The following ZNF544 variants were observed in gnomAD, a reference collection of about 807,000 sequenced individuals.
The protein encoded by ZNF544 is zinc finger protein 544.
ZNF544 carries 10 observed loss-of-function variants against 13.5 expected under a neutral mutation model. The observed-to-expected ratio is 0.74, with a 90% CI of 0.46 to 1.25. The LOEUF is 1.25. Ranked by LOEUF, ZNF544 falls within the 50% of genes most tolerant of loss-of-function variation. The pLI is 0.00. For synonymous variants in ZNF544, 323 were observed against 300.5 expected, an observed-to-expected ratio of 1.07 and a Z score of -0.77; for missense variants, 896 against 845.6, an observed-to-expected ratio of 1.06 and a Z score of -0.74.
At chr19:58,274,577 A>G (rs140994446) in intron 5 of ZNF544, among the ~76,000 whole-genome samples, 113 of 152,294 alleles carry the variant, frequency 7.4e-4, no homozygotes, top group African/African-American at 2.7e-3. Context: ...AACTGTAACA[A>G]TAAATTTATG....
intron 3 of ZNF544, 123 bp from the exon 4 acceptor site, chr19:58,243,842 G>A (rs1280419251): frequency 8.7e-6 from 6 of 686,066 alleles, no homozygotes; most frequent in Non-Finnish European, 1.3e-5. Flanking sequence ...CCCCAGGCGT[G>A]AGGCCCATTC....
rs757183517 is a variant in ZNF544, at chr19:58,261,848, G to A, written c.1242G>A (p.Gly414=). ...AGCCCTATGAGTGTGACCTGTGTGG[G>A]AAATCCTTCACCCAGAGATCCAAAC... is the stretch of plus-strand genomic sequence containing the variant. The part of the protein sequence containing the change: ...GEKPYECDLC[G]KSFTQRSKLI... The change falls in exon 7 of 7, where the codon GGG becomes GGA. Residue 414 remains glycine, a synonymous_variant. Transcript: ENST00000687789. The A allele has an allele frequency of 6.8e-6, 11 of 1,613,600 alleles. No individual in the cohort carries two copies. The highest frequency in any genetic ancestry group is 6.6e-5 in the South Asian group (6 of 91,046).
Position 58,228,930 on chromosome 19 carries a change from TTGGCCGGTGCGTGCAGGTGAGTC to T in ZNF544, c.-243_-232+11del, listed in dbSNP as rs1462417945. On this transcript the variant is annotated splice_donor_variant and splice_donor_5th_base_variant and 5_prime_UTR_variant and intron_variant, in exon 1 of 7. Transcript: ENST00000687789. LOFTEE classifies it low-confidence loss of function (5UTR_SPLICE). ...CCGCCGGCCACCGGAAGCACCGCCA[TTGGCCGGTGCGTGCAGGTGAGTC>T]TGGCGGCCTCAAGGTTGGCTCGGAG... 2.0e-5 allele frequency: 3 copies of T among 152,302 alleles called. No individual in the cohort carries two copies. Among genetic ancestry groups the T allele is most frequent in the African/African-American group, 7.2e-5 (3 of 41,474 alleles). The allele number at this position is 152,302 out of a possible 1,614,324, so 9.4% of individuals were successfully genotyped here. A position where few individuals can be genotyped will look rare whatever the true frequency, so the allele number is the denominator to read the frequency against.
intron 3 of ZNF544, among the ~76,000 whole-genome samples, chr19:58,235,657 G>A (rs1369481831): frequency 2.6e-5 from 4 of 152,102 alleles, no homozygotes; most frequent in Non-Finnish European, 5.9e-5. Flanking sequence ...CCTCAATTTA[G>A]CCATTCTATA....
chr19:58,275,617 T>A (rs2051152421), intron 5 of ZNF544, among the ~76,000 whole-genome samples: 1 of 151,736 alleles, frequency 6.6e-6, no homozygotes, highest in Admixed American at 6.6e-5. Context: ...AAGACCATCC[T>A]AGGCAACATC....
At chr19:58,249,963 G>A (rs2046027958) in intron 6 of ZNF544, among the ~76,000 whole-genome samples, 1 of 152,156 alleles carries the variant, frequency 6.6e-6, no homozygotes, top group African/African-American at 2.4e-5. Context: ...CTACCAAAAG[G>A]GATGTGAGTT....
At chr19:58,252,636 G>C (rs1185831072) in intron 6 of ZNF544, among the ~76,000 whole-genome samples, 2 of 151,664 alleles carry the variant, frequency 1.3e-5, no homozygotes, top group Admixed American at 6.6e-5. Flanking sequence ...ATCTTTTTTG[G>C]CACCTTTTGT....
rs956159977 is a variant in ZNF544, at chr19:58,261,689, A to G, written c.1083A>G (p.Lys361=). Residue 361 remains lysine (K), a synonymous_variant, in exon 7 of 7, where the codon AAA becomes AAG. Transcript: ENST00000687789. The part of the protein sequence containing the change: ...EKPSVCNQCG[K]SFSCCKLIHQ... ...CATCTGTGTGTAATCAGTGTGGAAA[A>G]TCTTTCAGCTGTTGTAAGCTCATAC... is the stretch of plus-strand genomic sequence containing the variant. 3 of 1,614,216 alleles carry G rather than the reference A, an allele frequency of 1.9e-6. No homozygotes were observed. Among genetic ancestry groups the G allele is most frequent in the South Asian group, 2.2e-5 (2 of 91,088 alleles).
intron 6 of ZNF544, 132 bp from the exon 7 acceptor site, chr19:58,260,719 C>T: frequency 1.2e-6 from 1 of 812,946 alleles, no homozygotes; most frequent in Non-Finnish European, 1.9e-6. Context: ...TCACAGCCTG[C>T]ATACGGATTA....
At chr19:58,237,554 A>G (rs2146662506) in intron 3 of ZNF544, among the ~76,000 whole-genome samples, 1 of 152,350 alleles carries the variant, frequency 6.6e-6, no homozygotes, top group East Asian at 1.9e-4. Flanking sequence ...TGACGGAGCC[A>G]GACCCTTGCC....
rs149316745 is a variant in ZNF544, at chr19:58,275,225, T to C, written c.245-1098T>C. Among the ~76,000 whole-genome samples, 917 of 152,270 alleles carry C rather than the reference T, an allele frequency of 6.0e-3. 9 individuals are homozygous for C. Among genetic ancestry groups the C allele is most frequent in the African/African-American group, 0.021 (869 of 41,558 alleles). On this transcript the variant is annotated intron_variant, in intron 5 of 6. Coordinates refer to the ZNF544 transcript ENST00000595981. The stretch of plus-strand genomic sequence containing the variant: ...ACTTGTCTCCCGTGTTTCCTTTCAC[T>C]TTGCAATGAAAGCTTCTTGCCTTTC...
intron 3 of ZNF544, among the ~76,000 whole-genome samples, chr19:58,232,431 A>G (rs1357986855): frequency 7.0e-6 from 1 of 143,224 alleles, no homozygotes; most frequent in Non-Finnish European, 1.5e-5. Context: ...AGCTCACTGC[A>G]GCCTTGACCT....
intron 5 of ZNF544, among the ~76,000 whole-genome samples, chr19:58,272,959 A>G (rs559442788): frequency 1.3e-5 from 2 of 151,764 alleles, no homozygotes; most frequent in South Asian, 2.1e-4. Context: ...CGAGTTGGGC[A>G]GATTGCAAGT....
intron 5 of ZNF544, among the ~76,000 whole-genome samples, chr19:58,272,765 G>A (rs1229027522): frequency 6.6e-6 from 1 of 151,490 alleles, no homozygotes; most frequent in African/African-American, 2.4e-5. Flanking sequence ...TACTCAGGAG[G>A]CTGAGGCAGG....
chr19:58,273,625 G>T (rs2050934657), intron 5 of ZNF544, among the ~76,000 whole-genome samples: 1 of 150,260 alleles, frequency 6.7e-6, no homozygotes, highest in Non-Finnish European at 1.5e-5. Context: ...GGGAGGTGGA[G>T]ATTGCAGTGG....
intron 3 of ZNF544, chr19:58,242,335 C>T (rs932658307): frequency 9.3e-5 from 89 of 953,164 alleles, no homozygotes; most frequent in Non-Finnish European, 1.1e-4. Flanking sequence ...AAATACAGCA[C>T]AGAGAAAGCA....
At chr19:58,251,661 T>C (rs1249618166) in intron 6 of ZNF544, among the ~76,000 whole-genome samples, 1 of 152,248 alleles carries the variant, frequency 6.6e-6, no homozygotes, top group Non-Finnish European at 1.5e-5. Context: ...TGGATGTTTC[T>C]GGATCAGAGA....
At chr19:58,248,771 A>T (rs1489784828) in intron 6 of ZNF544, among the ~76,000 whole-genome samples, 2 of 152,236 alleles carry the variant, frequency 1.3e-5, no homozygotes, top group African/African-American at 4.8e-5. Context: ...TGAAGCAAAA[A>T]AAGCATAGAT....
At chr19:58,270,065 T>C (rs952206787) in intron 5 of ZNF544, among the ~76,000 whole-genome samples, 1 of 152,210 alleles carries the variant, frequency 6.6e-6, no homozygotes, top group Non-Finnish European at 1.5e-5. Flanking sequence ...GTAATTTTAA[T>C]TGAAGGCTTC....
Sources: gnomAD v4.1 joint callset for allele counts (sites outside exome capture counted in the v4.1 genomes callset) on GRCh38, gnomAD v4.1.1 for gene constraint, MANE v1.5 for transcripts, NCBI Gene and HGNC (gene_info 2026-07-23, HGNC 2026-07-21) for gene names.